The following DNAJC16 variants were observed in gnomAD, a reference collection of about 807,000 sequenced individuals.
DNAJC16 encodes dnaJ homolog subfamily C member 16.
A neutral mutation model predicts 92.7 loss-of-function variants in DNAJC16; 76 were observed. The observed-to-expected ratio is 0.82, with a 90% confidence interval of 0.68 to 0.99. The LOEUF (loss-of-function observed/expected upper bound fraction) is 0.99. DNAJC16 is among the 50% of genes least tolerant of loss of function. The pLI, the probability that DNAJC16 is intolerant of heterozygous loss-of-function variation, is 0.00. For missense variants in DNAJC16, 869 were observed against 942.4 expected, an observed-to-expected ratio of 0.92 and a Z score of 1.02; for synonymous variants, 328 against 358.7, an observed-to-expected ratio of 0.91 and a Z score of 0.97.
At chr1:15,553,135 G>T (rs1291643944) in intron 7 of DNAJC16, among the ~76,000 whole-genome samples, 2 of 151,636 alleles carry the variant, frequency 1.3e-5, no homozygotes, top group East Asian at 1.9e-4. Context: ...ATTTGTAGGG[G>T]TTATTTATAT....
At chr1:15,565,830 G>C in intron 11 of DNAJC16, 89 bp from the exon 12 acceptor site, 1 of 1,326,506 alleles carries the variant, frequency 7.5e-7, no homozygotes, top group Non-Finnish European at 1.1e-6. Context: ...GGTGTGAAGA[G>C]TTTTTGGTTT....
At position 15,529,162 on chromosome 1, in the gene DNAJC16, C is replaced by A; in HGVS notation, c.57C>A (p.Ile19=). ...AGTTCTTGATAGTTCTGGTTCTGAT[C>A]CTGCAAATTCTGTCTGCGTTGGATT... ...SWQFLIVLVL[I]LQILSALDFD... Residue 19 remains isoleucine, a synonymous_variant, in exon 2 of 15, where the codon ATC becomes ATA. Coordinates refer to ENST00000375847, the MANE Select transcript of DNAJC16 (RefSeq NM_015291.4). The A allele has an allele frequency of 6.2e-7, 1 of 1,614,076 alleles. No homozygotes were observed. Among genetic ancestry groups the A allele is most frequent in the Non-Finnish European group, 8.5e-7 (1 of 1,179,970 alleles).
intron 4 of DNAJC16, among the ~76,000 whole-genome samples, chr1:15,538,466 C>G (rs1710847380): frequency 6.6e-6 from 1 of 152,040 alleles, no homozygotes; most frequent in Non-Finnish European, 1.5e-5. Context: ...GCCTGTAACC[C>G]CAGCACTTTG....
In DNAJC16 at chr1:15,544,549, T is replaced by C. The variant is rs1054043923; in HGVS notation, c.725T>C (p.Val242Ala). 2.5e-6 allele frequency: 4 copies of C among 1,614,062 alleles called. No homozygotes were observed. Among genetic ancestry groups the C allele is most frequent in the Non-Finnish European group, 3.4e-6 (4 of 1,180,026 alleles). The change falls in exon 5 of 15, where the codon GTA becomes GCA. Residue 242 changes from valine to alanine, a missense_variant. Val to Ala is a moderately conservative substitution (Grantham distance 64). Transcript: ENST00000375847. ...GTCCGTGAAAATCTGCGACAATTTG[T>C]AGAAAGTCTTCTTCCAGGGAACTTG... is the stretch of plus-strand genomic sequence containing the variant. ...AVVRENLRQFVESLLPGNLVE... is the reference protein window; with the variant it reads ...AVVRENLRQFAESLLPGNLVE...
rs893119273 is a variant in DNAJC16, at chr1:15,566,101, G to C, written c.1699G>C (p.Glu567Gln). The C allele has an allele frequency of 3.1e-6, 5 of 1,613,920 alleles. No homozygotes were observed. In the East Asian group the frequency reaches 1.1e-4, roughly 36 times the overall value. ...QAFSDSNDERESSPPEKEEAQ... is the reference protein window; with the variant it reads ...QAFSDSNDERQSSPPEKEEAQ... Reference sequence around the variant, plus strand: ...CTTTAGCGACTCTAATGATGAGCGAGAGTCAAGCCCTCCAGAAAAAGAGGA... The same window carrying C: ...CTTTAGCGACTCTAATGATGAGCGACAGTCAAGCCCTCCAGAAAAAGAGGA... Residue 567 changes from glutamate to glutamine, a missense_variant, in exon 13 of 15, where the codon GAG becomes CAG. Coordinates refer to ENST00000375847, the MANE Select transcript of DNAJC16 (RefSeq NM_015291.4).
intron 7 of DNAJC16, among the ~76,000 whole-genome samples, chr1:15,549,973 G>A (rs917690181): frequency 1.2e-4 from 19 of 152,128 alleles, no homozygotes; most frequent in Non-Finnish European, 2.2e-4. Context: ...TATGTGTATA[G>A]GAAAAAAACA....
chr1:15,546,697 C>G, intron 5 of DNAJC16, 70 bp from the exon 6 acceptor site: 2 of 1,210,820 alleles, frequency 1.7e-6, no homozygotes, highest in South Asian at 2.7e-5. Flanking sequence ...TGTTTATTTT[C>G]TCCTGACTGG....
intron 7 of DNAJC16, among the ~76,000 whole-genome samples, chr1:15,558,170 CCT>C (rs1638609252): frequency 7.1e-6 from 1 of 141,660 alleles, no homozygotes; most frequent in Non-Finnish European, 1.5e-5. Context: ...CATACCCAGC[CCT>C]TTTTTTTTTT....
rs1421341224 is a variant in DNAJC16, at chr1:15,571,407, A to T, written c.*3230A>T. On this transcript the variant is annotated 3_prime_UTR_variant, in exon 15 of 15. Transcript: ENST00000375847. ...TAGAATTCTTTAAAAGCTGATGCCA[A>T]ACATCTTTACAGAGGAACTGTAGTT... 1 of 152,668 alleles carries T rather than the reference A, an allele frequency of 6.6e-6. No homozygotes were observed. The highest frequency in any genetic ancestry group is 2.4e-5 in the African/African-American group (1 of 41,446). The allele number at this position is 152,668 out of a possible 1,614,324, so 9.5% of individuals were successfully genotyped here. A position where few individuals can be genotyped will look rare whatever the true frequency, so the allele number is the denominator to read the frequency against.
rs563826623 is a variant in DNAJC16, at chr1:15,536,934, T to G, written c.574+120T>G. 4.5e-5 allele frequency: 37 copies of G among 821,292 alleles called. No homozygotes were observed. The South Asian group carries it at 7.8e-4, about 17-fold the overall frequency. 50.9% of individuals were successfully genotyped at this position (821,292 alleles called of 1,614,324 possible). On this transcript the variant is annotated intron_variant, in intron 4 of 14. Transcript: ENST00000375847. ...GGTGTGATCTCGGCTCACTGCAACC[T>G]CCACCTCCCGGGTTCAAGTGATTCT...
At chr1:15,535,076 T>TA (rs1477259089) in intron 3 of DNAJC16, among the ~76,000 whole-genome samples, 5 of 152,254 alleles carry the variant, frequency 3.3e-5, no homozygotes, top group Non-Finnish European at 7.3e-5. Context: ...AGACAGTGCT[T>TA]AGCTCATAGA....
chr1:15,568,268 A>G lies in DNAJC16; in HGVS notation c.*91A>G, dbSNP rs1638867094. On this transcript the variant is annotated 3_prime_UTR_variant, in exon 15 of 15. Transcript: ENST00000375847. Reference sequence around the variant, plus strand: ...CAGGACTCAAACTACCACAATGAACAGAGTATAGATTTTAGATTGCTCTTC... The same window carrying G: ...CAGGACTCAAACTACCACAATGAACGGAGTATAGATTTTAGATTGCTCTTC... 3 of 1,097,080 alleles carry G rather than the reference A, an allele frequency of 2.7e-6. No individual in the cohort carries two copies. The African/African-American group carries it at 4.7e-5, about 17-fold the overall frequency. 68.0% of individuals were successfully genotyped at this position (1,097,080 alleles called of 1,614,324 possible).
At chr1:15,553,709 C>T (rs565592677) in intron 7 of DNAJC16, among the ~76,000 whole-genome samples, 1 of 152,236 alleles carries the variant, frequency 6.6e-6, no homozygotes, top group South Asian at 2.1e-4. Context: ...CCAGAAGGCC[C>T]CTCCCTCCCC....
chr1:15,550,753 A>AGCTGCC (rs1638424736), intron 7 of DNAJC16, among the ~76,000 whole-genome samples: 2 of 152,234 alleles, frequency 1.3e-5, no homozygotes, highest in South Asian at 4.1e-4. Context: ...TAGTGGGTGA[A>AGCTGCC]GCTGCCAGTG....
intron 8 of DNAJC16, among the ~76,000 whole-genome samples, chr1:15,560,785 T>C (rs1043551352): frequency 1.2e-4 from 19 of 152,144 alleles, no homozygotes; most frequent in African/African-American, 4.1e-4. Flanking sequence ...TCACTTTTTT[T>C]AACCACTGCC....
In DNAJC16 at chr1:15,546,799, T is replaced by G. The variant is rs1638318067; in HGVS notation, c.792T>G (p.Ser264=). 1 of 1,613,660 alleles carries G rather than the reference T, an allele frequency of 6.2e-7. No individual in the cohort carries two copies. The highest frequency in any genetic ancestry group is 1.3e-5 in the African/African-American group (1 of 74,910). Residue 264 remains serine, a synonymous_variant, in exon 6 of 15, where the codon TCT becomes TCG. Coordinates refer to ENST00000375847, the MANE Select transcript of DNAJC16 (RefSeq NM_015291.4). ...VTNKNYVRFL[S]GWQQENKPHV... ...ATAAAAATTACGTCAGATTCCTCTC[T>G]GGCTGGCAGCAAGAGAATAAGCCTC...
chr1:15,528,393 C>G (rs1710571995), intron 1 of DNAJC16, among the ~76,000 whole-genome samples: 1 of 151,810 alleles, frequency 6.6e-6, no homozygotes, highest in South Asian at 2.1e-4. Context: ...GAGATCCCAT[C>G]ATTGCACTCC....
rs532966009 is a variant in DNAJC16 at position 15,571,342 on chromosome 1, A to C, written c.*3165A>C. 1 of 152,668 alleles carries C rather than the reference A, an allele frequency of 6.6e-6. No homozygotes were observed. Among genetic ancestry groups the C allele is most frequent in the African/African-American group, 2.4e-5 (1 of 41,586 alleles). 9.5% of individuals were successfully genotyped at this position (152,668 alleles called of 1,614,324 possible). ...TTTTAGTGATTTCCTTTGTTTGGGA[A>C]TAGAGATTGGAAGCACATACTCAGA... On this transcript the variant is annotated 3_prime_UTR_variant, in exon 15 of 15. Coordinates refer to ENST00000375847, the MANE Select transcript of DNAJC16 (RefSeq NM_015291.4).
chr1:15,566,982 G>A lies in DNAJC16; in HGVS notation c.1779-117G>A, dbSNP rs192248631. 202 of 954,286 alleles carry A rather than the reference G, an allele frequency of 2.1e-4. 1 individual carries two copies. In the African/African-American group the frequency reaches 3.1e-3, roughly 15 times the overall value. The allele number at this position is 954,286 out of a possible 1,614,324, so 59.1% of individuals were successfully genotyped here. A position where few individuals can be genotyped will look rare whatever the true frequency, so the allele number is the denominator to read the frequency against. On this transcript the variant is annotated intron_variant, in intron 13 of 14. Coordinates refer to ENST00000375847, the MANE Select transcript of DNAJC16 (RefSeq NM_015291.4). ...TACCAATGTGTTAGACTCAAGAATA[G>A]TGAATAACATACCTAGTCTGGTTAG...
Sources: gnomAD v4.1 joint callset for allele counts (sites outside exome capture counted in the v4.1 genomes callset) on GRCh38, gnomAD v4.1.1 for gene constraint, MANE v1.5 for transcripts, NCBI Gene and HGNC (gene_info 2026-07-23, HGNC 2026-07-21) for gene names.